Variants in MYO18A observed in about 807,000 individuals in gnomAD.
The protein encoded by MYO18A is unconventional myosin-XVIIIa.
In MYO18A, 78 loss-of-function variants were observed where a neutral mutation model predicts 235.8. The observed-to-expected ratio is 0.33, with a 90% confidence interval of 0.28 to 0.40. MYO18A has a LOEUF of 0.40. Among genes scored for constraint, MYO18A ranks in the 10% least tolerant of loss-of-function variants. The probability of loss-of-function intolerance (pLI) is 1.00; values close to 1 mark genes in which losing one functional copy is unlikely to be tolerated. For missense variants in MYO18A, 2,215 were observed against 2,699.3 expected (o/e 0.82, Z 3.98); for synonymous variants, 977 against 1,077.8 (o/e 0.91, Z 1.83).
chr17:29,115,919 C>G, intron 11 of MYO18A, 79 bp from the exon 12 acceptor site: 1 of 1,472,314 alleles, frequency 6.8e-7, no homozygotes, highest in Admixed American at 2.4e-5. Flanking sequence ...CAGCTGATGA[C>G]TATGCATCTT....
chr17:29,095,619 C>T (rs1254831553), intron 28 of MYO18A, among the ~76,000 whole-genome samples: 2 of 152,252 alleles, frequency 1.3e-5, no homozygotes, highest in African/African-American at 4.8e-5. Flanking sequence ...CAGCTGGCCA[C>T]ATGCCTCAAT....
chr17:29,089,724 G>T (rs935164204), intron 37 of MYO18A, among the ~76,000 whole-genome samples: 1 of 152,198 alleles, frequency 6.6e-6, no homozygotes, highest in Non-Finnish European at 1.5e-5. Context: ...AGCTGCTCTG[G>T]TCCCTTGGCA....
chr17:29,127,758 C>T (rs974917804), intron 2 of MYO18A: 5 of 694,538 alleles, frequency 7.2e-6, no homozygotes, highest in African/African-American at 1.9e-5. Flanking sequence ...ATGCGGGGTT[C>T]GCTGAGGTCG....
Position 29,118,369 on chromosome 17 carries a change from C to T in MYO18A, c.1893+8G>A. 6.2e-7 allele frequency: 1 copy of T among 1,602,492 alleles called. No individual in the cohort carries two copies. Among genetic ancestry groups the T allele is most frequent in the Non-Finnish European group, 8.5e-7 (1 of 1,171,276 alleles). The stretch of plus-strand genomic sequence containing the variant: ...GGGCTGGCAACCCAGACCCCACAGA[C>T]CCCTCACCTTGGCCAGTGGCACAAT... On this transcript the variant is annotated splice_region_variant and intron_variant, in intron 9 of 41. Coordinates refer to ENST00000527372, the MANE Select transcript of MYO18A (RefSeq NM_078471.4). The surrounding 1 kb of genome is among the most constrained non-coding windows in gnomAD (Gnocchi z 4.2).
chr17:29,164,151 A>G (rs528134315), intron 2 of MYO18A, among the ~76,000 whole-genome samples: 51 of 152,316 alleles, frequency 3.3e-4, no homozygotes, highest in African/African-American at 1.2e-3. Flanking sequence ...CAGCCTCCCA[A>G]AGTGCTGGGA....
chr17:29,141,697 C>T (rs529703342), intron 2 of MYO18A, among the ~76,000 whole-genome samples: 1 of 152,358 alleles, frequency 6.6e-6, no homozygotes, highest in Non-Finnish European at 1.5e-5. Context: ...TAGGACACGG[C>T]GCTTGTGTCC....
intron 41 of MYO18A, chr17:29,075,645 G>C (rs537404410): frequency 6.0e-6 from 1 of 166,584 alleles, no homozygotes; most frequent in African/African-American, 2.4e-5. Context: ...GATGTGAAGA[G>C]GCCTCTTCCC....
At position 29,119,854 on chromosome 17, in the gene MYO18A, G is replaced by A. The variant is rs370308167; in HGVS notation, c.1729-419C>T. ...GCTGGGATTACAGGCGTGAGCCACCGCACCCAACCTGCATCTTGTTTTTTA... is the reference window on the plus strand; with the variant it reads ...GCTGGGATTACAGGCGTGAGCCACCACACCCAACCTGCATCTTGTTTTTTA... On this transcript the variant is annotated intron_variant, in intron 7 of 41. Transcript: ENST00000527372. Among the ~76,000 whole-genome samples, 10 of 151,806 alleles carry A rather than the reference G, an allele frequency of 6.6e-5. 1 individual carries two copies. Among genetic ancestry groups the A allele is most frequent in the African/African-American group, 9.7e-5 (4 of 41,404 alleles).
Position 29,117,901 on chromosome 17 carries a change from G to A in MYO18A, c.2038+144C>T. ...TTCCCGGGCCTTCTGCTCTGAAGTGGGGGGCTGAGAAGAGGCACAAGCAAA... is the reference window on the plus strand; with the variant it reads ...TTCCCGGGCCTTCTGCTCTGAAGTGAGGGGCTGAGAAGAGGCACAAGCAAA... On this transcript the variant is annotated intron_variant, in intron 10 of 41. Coordinates refer to ENST00000527372, the MANE Select transcript of MYO18A (RefSeq NM_078471.4). This position sits in a 1 kb window ranked among gnomAD's most constrained non-coding sequence, Gnocchi z 4.6. The A allele has an allele frequency of 3.0e-6, 3 of 987,448 alleles. No homozygotes were observed. Among genetic ancestry groups the A allele is most frequent in the Non-Finnish European group, 4.4e-6 (3 of 683,644 alleles). 61.2% of individuals were successfully genotyped at this position (987,448 alleles called of 1,614,324 possible).
chr17:29,107,218 G>A (rs1400213709), intron 19 of MYO18A, 29 bp from the exon 20 acceptor site: 1 of 1,605,910 alleles, frequency 6.2e-7, no homozygotes, highest in Admixed American at 1.7e-5. Flanking sequence ...AGCCAGGCCT[G>A]TCAACGCCAC....
rs370927481 is a variant in MYO18A at position 29,166,318 on chromosome 17, G to A, written c.623C>T (p.Pro208Leu). 5 of 1,612,536 alleles carry A rather than the reference G, an allele frequency of 3.1e-6. No homozygotes were observed. Among genetic ancestry groups the A allele is most frequent in the African/African-American group, 1.3e-5 (1 of 75,064 alleles). Residue 208 changes from proline (P) to leucine (L), a missense_variant, in exon 2 of 42, where the codon CCC becomes CTC. Coordinates refer to ENST00000527372, the MANE Select transcript of MYO18A (RefSeq NM_078471.4). ...TKKFPVDLRL[P>L]PVVPLPPPTL... ...AGGTGGGGGCAGGGGCACCACGGGG[G>A]GCAGGCGCAGGTCGACTGGGAACTT...
At position 29,074,991 on chromosome 17, in the gene MYO18A, C is replaced by T; in HGVS notation, c.6021-77G>A. The stretch of plus-strand genomic sequence containing the variant: ...GCACGCACGCCTTTGGTTCTGGAGG[C>T]CCACAAAGCTGCGTCAGAGCACTCC... On this transcript the variant is annotated intron_variant, in intron 41 of 41. Coordinates refer to ENST00000527372, the MANE Select transcript of MYO18A (RefSeq NM_078471.4). This position sits in a 1 kb window ranked among gnomAD's most constrained non-coding sequence, Gnocchi z 4.4. 3.8e-6 allele frequency: 6 copies of T among 1,564,096 alleles called. No homozygotes were observed. Among genetic ancestry groups the T allele is most frequent in the Non-Finnish European group, 3.5e-6 (4 of 1,143,744 alleles).
At chr17:29,143,488 T>G (rs1180935922) in intron 2 of MYO18A, among the ~76,000 whole-genome samples, 2 of 138,746 alleles carry the variant, frequency 1.4e-5, no homozygotes, top group Non-Finnish European at 3.1e-5. Context: ...GCAATCCACC[T>G]GCCTCAGCCT....
chr17:29,140,571 G>C lies in MYO18A; in HGVS notation c.1000-18318C>G, dbSNP rs2067715190. 1 of 367,480 alleles carries C rather than the reference G, an allele frequency of 2.7e-6. No individual in the cohort carries two copies. The highest frequency in any genetic ancestry group is 2.6e-5 in the South Asian group (1 of 38,132). 22.8% of individuals were successfully genotyped at this position (367,480 alleles called of 1,614,324 possible). On this transcript the variant is annotated intron_variant, in intron 2 of 41. Coordinates refer to ENST00000527372, the MANE Select transcript of MYO18A (RefSeq NM_078471.4). The surrounding 1 kb of genome is among the most constrained non-coding windows in gnomAD (Gnocchi z 4.2). Reference sequence around the variant, plus strand: ...GTGATACAGCAGTGTGTGTGGAAGGGAAGGAGAAGGCTCTTAGGGTAAAGC... The same window carrying C: ...GTGATACAGCAGTGTGTGTGGAAGGCAAGGAGAAGGCTCTTAGGGTAAAGC...
intron 8 of MYO18A, among the ~76,000 whole-genome samples, chr17:29,119,132 G>A (rs1215461149): frequency 6.6e-6 from 1 of 152,208 alleles, no homozygotes; most frequent in Non-Finnish European, 1.5e-5. Flanking sequence ...GGACCAGGGA[G>A]TTCTTGATAG....
At chr17:29,152,022 C>T (rs779996707) in intron 2 of MYO18A, among the ~76,000 whole-genome samples, 2 of 152,150 alleles carry the variant, frequency 1.3e-5, no homozygotes, top group African/African-American at 2.4e-5. Context: ...CCCCCAGCCC[C>T]GCATCCACAG....
chr17:29,082,207 A>G, intron 41 of MYO18A, 109 bp downstream of exon 41: 1 of 1,466,266 alleles, frequency 6.8e-7, no homozygotes, highest in Non-Finnish European at 9.4e-7. Flanking sequence ...CCGCAGTCAC[A>G]AATGCCAGAC....
At chr17:29,082,496 G>A (rs1268555658) in intron 40 of MYO18A, 58 bp from the exon 41 acceptor site, 2 of 1,565,844 alleles carry the variant, frequency 1.3e-6, no homozygotes, top group Non-Finnish European at 1.7e-6. Flanking sequence ...GCCCACGAGG[G>A]GAGCAGATGG....
At position 29,140,385 on chromosome 17, in the gene MYO18A, C is replaced by T. The variant is rs554763173; in HGVS notation, c.1000-18132G>A. 3 of 1,284,694 alleles carry T rather than the reference C, an allele frequency of 2.3e-6. No individual in the cohort carries two copies. Among genetic ancestry groups the T allele is most frequent in the African/African-American group, 3.0e-5 (2 of 65,740 alleles). 79.6% of individuals were successfully genotyped at this position (1,284,694 alleles called of 1,614,324 possible). The stretch of plus-strand genomic sequence containing the variant: ...CAGCCCAGAGCAAGGAGACTCCGCT[C>T]TGATGCTGCTCTGGCTCCGTTAGCA... On this transcript the variant is annotated intron_variant, in intron 2 of 41. Transcript: ENST00000527372. The surrounding 1 kb of genome is among the most constrained non-coding windows in gnomAD (Gnocchi z 4.2).
Sources: allele counts gnomAD v4.1 joint callset (sites outside exome capture counted in the v4.1 genomes callset), GRCh38; gene constraint gnomAD v4.1.1; non-coding constraint Gnocchi (gnomAD v3.1); transcripts MANE v1.5; gene names NCBI Gene and HGNC (gene_info 2026-07-23, HGNC 2026-07-21).